PHLPP1: variants seen among roughly 807,000 people sequenced by gnomAD.
PHLPP1 encodes PH domain leucine-rich repeat-containing protein phosphatase 1.
A neutral mutation model predicts 117.2 loss-of-function variants in PHLPP1; 42 were observed. The observed-to-expected ratio is 0.36, with a 90% CI of 0.28 to 0.46. PHLPP1 has a LOEUF of 0.46. Among genes scored for constraint, PHLPP1 ranks in the 20% least tolerant of loss-of-function variants. PHLPP1 has a pLI of 1.00. For synonymous variants in PHLPP1, 1,042 were observed against 970.7 expected, an observed-to-expected ratio of 1.07 and a Z score of -1.37; for missense variants, 2,084 against 2,241.9, an observed-to-expected ratio of 0.93 and a Z score of 1.42.
rs1364391726 is a variant in PHLPP1 at position 62,849,820 on chromosome 18, A to T, written c.1900-10615A>T. ...TACAAAAAAAAAAAAAAAAAAAAAA[A>T]AAAAAAAAAAAAATATATATATCCT... On this transcript the variant is annotated intron_variant, in intron 3 of 16. Transcript: ENST00000262719. 3.6e-3 allele frequency among the ~76,000 whole-genome samples: 163 copies of T among 45,430 alleles called. 1 individual carries two copies. Among genetic ancestry groups the T allele is most frequent in the African/African-American group, 0.013 (145 of 11,218 alleles). 29.8% of individuals were successfully genotyped at this position (45,430 alleles called of 152,430 possible).
intron 1 of PHLPP1, among the ~76,000 whole-genome samples, chr18:62,809,880 A>C (rs958479416): frequency 1.3e-5 from 2 of 152,200 alleles, no homozygotes; most frequent in African/African-American, 4.8e-5. Flanking sequence ...TACATGTATT[A>C]ACATTTTAGT....
At chr18:62,967,044 GTCAGTAGT>G (rs1403773403) in intron 14 of PHLPP1, among the ~76,000 whole-genome samples, 1 of 152,158 alleles carries the variant, frequency 6.6e-6, no homozygotes, top group Non-Finnish European at 1.5e-5. Flanking sequence ...TATTGCATGT[GTCAGTAGT>G]TCGTTTCTTT....
At position 62,978,640 on chromosome 18, in the gene PHLPP1, G is replaced by A. The variant is rs1911276743; in HGVS notation, c.4363G>A (p.Val1455Met). Residue 1455 changes from valine to methionine, a missense_variant, in exon 17 of 17, where the codon GTG becomes ATG. By Grantham distance (21) the Val-to-Met change is conservative (BLOSUM62 1). Around this residue, in one of 2 missense-constraint regions of PHLPP1, gnomAD observed 1,365 missense variants for 1,605.9 expected, o/e 0.85. Transcript: ENST00000262719. The surrounding 1 kb of genome is among the most constrained non-coding windows in gnomAD (Gnocchi z 7.0). ...CATCTTTCCTCCCTCAGTGAACATG[G>A]TGATCAAGGATCGGCCCTCAGATGG... Reference protein sequence around the residue: ...PGIFPPSVNMVIKDRPSDGLG... With the variant: ...PGIFPPSVNMMIKDRPSDGLG... 1.2e-6 allele frequency: 2 copies of A among 1,613,790 alleles called. No individual in the cohort carries two copies. The highest frequency in any genetic ancestry group is 2.2e-5 in the South Asian group (2 of 91,084).
At chr18:62,726,783 C>T (rs1471573573) in intron 1 of PHLPP1, among the ~76,000 whole-genome samples, 1 of 151,346 alleles carries the variant, frequency 6.6e-6, no homozygotes, top group Non-Finnish European at 1.5e-5. Context: ...GGGGTTTTGC[C>T]ATGTTGGCCA....
chr18:62,723,631 C>G (rs1357211840), intron 1 of PHLPP1, among the ~76,000 whole-genome samples: 1 of 151,972 alleles, frequency 6.6e-6, no homozygotes, highest in Non-Finnish European at 1.5e-5. Flanking sequence ...TTTCAAATAC[C>G]AGGCATGTTT....
chr18:62,824,871 A>G (rs1914566791), intron 1 of PHLPP1, among the ~76,000 whole-genome samples: 1 of 152,094 alleles, frequency 6.6e-6, no homozygotes, highest in Non-Finnish European at 1.5e-5. Flanking sequence ...AGTTTTACTT[A>G]TAATGGACCA....
intron 1 of PHLPP1, among the ~76,000 whole-genome samples, chr18:62,824,018 A>G (rs989866856): frequency 3.3e-5 from 5 of 151,798 alleles, no homozygotes; most frequent in African/African-American, 2.4e-5. Flanking sequence ...TGTAATCCCA[A>G]CTACTTGGGA....
chr18:62,870,263 T>A (rs1348901683), intron 4 of PHLPP1, among the ~76,000 whole-genome samples: 1 of 152,058 alleles, frequency 6.6e-6, no homozygotes, highest in East Asian at 1.9e-4. Context: ...CCAAGAAAAA[T>A]TTTTATTGCT....
intron 1 of PHLPP1, among the ~76,000 whole-genome samples, chr18:62,824,520 G>A (rs1006102061): frequency 6.6e-6 from 1 of 152,168 alleles, no homozygotes; most frequent in Non-Finnish European, 1.5e-5. Context: ...AATGGGACAT[G>A]AGGAAACGGC....
At chr18:62,944,077 T>G (rs1910208138) in intron 11 of PHLPP1, among the ~76,000 whole-genome samples, 1 of 152,192 alleles carries the variant, frequency 6.6e-6, no homozygotes, top group South Asian at 2.1e-4. Flanking sequence ...TTTTTTTTGT[T>G]AAATTCTTTA....
chr18:62,788,211 C>A (rs1404274877), intron 1 of PHLPP1, among the ~76,000 whole-genome samples: 1 of 152,034 alleles, frequency 6.6e-6, no homozygotes, highest in Non-Finnish European at 1.5e-5. Flanking sequence ...AACAGAGAAC[C>A]CCTAGGCTTT....
At chr18:62,953,803 T>G (rs1006792120) in intron 12 of PHLPP1, among the ~76,000 whole-genome samples, 2 of 152,218 alleles carry the variant, frequency 1.3e-5, no homozygotes, top group Non-Finnish European at 2.9e-5. Context: ...TCCTCATTTT[T>G]GGAACTGACT....
chr18:62,831,202 A>G (rs1238949838), intron 2 of PHLPP1, among the ~76,000 whole-genome samples: 1 of 152,200 alleles, frequency 6.6e-6, no homozygotes, highest in Non-Finnish European at 1.5e-5. Context: ...AGTCCCAAGC[A>G]TTGGTAAGGG....
intron 1 of PHLPP1, among the ~76,000 whole-genome samples, chr18:62,802,738 G>A (rs143594837): frequency 3.0e-4 from 45 of 152,192 alleles, no homozygotes; most frequent in Middle Eastern, 6.8e-3. Flanking sequence ...ATGAGTTACT[G>A]CCCTCTGTTG....
intron 10 of PHLPP1, among the ~76,000 whole-genome samples, chr18:62,930,088 A>G (rs1460234165): frequency 6.6e-6 from 1 of 152,286 alleles, no homozygotes; most frequent in East Asian, 1.9e-4. Context: ...AAGCCAGATA[A>G]GAAATGATTA....
intron 1 of PHLPP1, among the ~76,000 whole-genome samples, chr18:62,755,616 A>G (rs1911992162): frequency 1.3e-5 from 2 of 152,320 alleles, no homozygotes; most frequent in South Asian, 4.1e-4. Context: ...GCTATGAGCT[A>G]GGAATCTGAC....
chr18:62,766,725 A>G (rs899933897), intron 1 of PHLPP1, among the ~76,000 whole-genome samples: 1 of 152,158 alleles, frequency 6.6e-6, no homozygotes, highest in African/African-American at 2.4e-5. Context: ...TCAGATAAAT[A>G]TATATTTTTC....
At chr18:62,851,038 A>G (rs1915334870) in intron 3 of PHLPP1, among the ~76,000 whole-genome samples, 1 of 152,182 alleles carries the variant, frequency 6.6e-6, no homozygotes, top group Non-Finnish European at 1.5e-5. Context: ...TCAAGAGGCT[A>G]AGCTTTTGGA....
chr18:62,828,423 C>T (rs1312505414), intron 1 of PHLPP1, among the ~76,000 whole-genome samples: 1 of 152,190 alleles, frequency 6.6e-6, no homozygotes, highest in Non-Finnish European at 1.5e-5. Context: ...TGGTACCTTT[C>T]CAGTGAGAGC....
Sources: gnomAD v4.1 joint callset for allele counts (sites outside exome capture counted in the v4.1 genomes callset) on GRCh38, gnomAD v4.1.1 for gene constraint, gnomAD v4.1.1 regional missense constraint, Gnocchi (gnomAD v3.1) non-coding constraint, MANE v1.5 for transcripts, NCBI Gene and HGNC (gene_info 2026-07-23, HGNC 2026-07-21) for gene names.